SNTG2: variants seen among roughly 807,000 people sequenced by gnomAD.
The protein encoded by SNTG2 is syntrophin gamma 2.
SNTG2 carries 74 observed loss-of-function variants against 70.9 expected under a neutral mutation model. That is an observed-to-expected ratio of 1.04 (90% confidence interval 0.86 to 1.27). SNTG2 has a LOEUF of 1.27. Ranked by LOEUF, SNTG2 falls within the 50% of genes most tolerant of loss-of-function variation. The pLI is 0.00. For missense variants in SNTG2, 717 were observed against 690.7 expected, an observed-to-expected ratio of 1.04 and a Z score of -0.43; for synonymous variants, 278 against 273.8, an observed-to-expected ratio of 1.02 and a Z score of -0.15.
chr2:1,010,735 T>G (rs1659707042), intron 1 of SNTG2, among the ~76,000 whole-genome samples: 1 of 152,180 alleles, frequency 6.6e-6, no homozygotes, highest in African/African-American at 2.4e-5. Flanking sequence ...TCTTCACCTT[T>G]GTCTCTGCTG....
chr2:1,241,324 G>A (rs368469141), intron 11 of SNTG2, among the ~76,000 whole-genome samples: 6 of 152,304 alleles, frequency 3.9e-5, no homozygotes, highest in South Asian at 4.1e-4. Context: ...AGTGATGTCC[G>A]CAAGTGGAGA....
At chr2:1,071,597 C>CT (rs1207898922) in intron 1 of SNTG2, among the ~76,000 whole-genome samples, 1 of 149,938 alleles carries the variant, frequency 6.7e-6, no homozygotes, top group Non-Finnish European at 1.5e-5. Flanking sequence ...CACATGTATA[C>CT]ATATGTAACC....
At chr2:1,060,390 A>AG (rs1662733727) in intron 1 of SNTG2, among the ~76,000 whole-genome samples, 1 of 152,020 alleles carries the variant, frequency 6.6e-6, no homozygotes, top group Non-Finnish European at 1.5e-5. Context: ...GGAGAGAGAG[A>AG]AGTGCATAGA....
At chr2:1,218,026 C>T (rs1674513586) in intron 9 of SNTG2, among the ~76,000 whole-genome samples, 1 of 152,008 alleles carries the variant, frequency 6.6e-6, no homozygotes. Flanking sequence ...TGGCAGAATT[C>T]AGTCCCTTGA....
intron 14 of SNTG2, among the ~76,000 whole-genome samples, chr2:1,298,662 C>T (rs1405942754): frequency 6.6e-6 from 1 of 152,136 alleles, no homozygotes; most frequent in East Asian, 1.9e-4. Flanking sequence ...TTTTTACCAT[C>T]CTGCGCCACT....
intron 14 of SNTG2, among the ~76,000 whole-genome samples, chr2:1,306,510 G>A (rs1680672878): frequency 1.3e-5 from 2 of 152,208 alleles, no homozygotes; most frequent in Admixed American, 6.5e-5. Context: ...AGAGCCTCCC[G>A]AGCTATGCAG....
chr2:1,267,300 A>C, intron 13 of SNTG2, 65 bp from the exon 14 acceptor site: 31 of 1,398,214 alleles, frequency 2.2e-5, no homozygotes, highest in Middle Eastern at 2.1e-4. Context: ...TCCCCACACC[A>C]GGGCCCTCAG....
At chr2:1,337,613 CG>C (rs1378977459) in intron 16 of SNTG2, among the ~76,000 whole-genome samples, 2 of 152,030 alleles carry the variant, frequency 1.3e-5, no homozygotes, top group African/African-American at 4.8e-5. Context: ...GTGTGATTTG[CG>C]GATGTCTTCT....
At chr2:1,122,276 C>A (rs1241641945) in intron 4 of SNTG2, among the ~76,000 whole-genome samples, 1 of 152,124 alleles carries the variant, frequency 6.6e-6, no homozygotes, top group African/African-American at 2.4e-5. Flanking sequence ...ATCACCGTGA[C>A]ACCTAAGCTG....
At chr2:1,141,400 C>T (rs1274915942) in intron 6 of SNTG2, among the ~76,000 whole-genome samples, 1 of 152,174 alleles carries the variant, frequency 6.6e-6, no homozygotes, top group African/African-American at 2.4e-5. Context: ...CAGCTAGAAA[C>T]TGCAGGAGAA....
chr2:1,243,275 C>T (rs987280447), intron 11 of SNTG2, among the ~76,000 whole-genome samples: 9 of 152,156 alleles, frequency 5.9e-5, no homozygotes, highest in Non-Finnish European at 1.2e-4. Flanking sequence ...AGAAGAAGAG[C>T]CCAACACTGT....
intron 1 of SNTG2, among the ~76,000 whole-genome samples, chr2:1,033,459 T>G (rs931494492): frequency 3.9e-5 from 6 of 152,236 alleles, no homozygotes; most frequent in Admixed American, 6.5e-5. Context: ...TGTGGCACAG[T>G]TACTACAGCT....
chr2:1,096,531 T>G (rs1665402574), intron 2 of SNTG2, among the ~76,000 whole-genome samples: 1 of 152,110 alleles, frequency 6.6e-6, no homozygotes. Flanking sequence ...CCTCTGCTTC[T>G]GCGTTCAACA....
Position 963,331 on chromosome 2 carries a change from A to G in SNTG2, c.72+12263A>G, listed in dbSNP as rs565747822. 1.2e-3 allele frequency among the ~76,000 whole-genome samples: 176 copies of G among 152,084 alleles called. 2 individuals carry two copies. The highest frequency in any genetic ancestry group is 4.2e-3 in the African/African-American group (172 of 41,334). On this transcript the variant is annotated intron_variant, in intron 1 of 16. Coordinates refer to ENST00000308624, the MANE Select transcript of SNTG2 (RefSeq NM_018968.4). ...GACAGAAAAAATGTGCTTCAAACAG[A>G]TAAGAAAGGCAGCATGCTCAAAAAA...
intron 14 of SNTG2, among the ~76,000 whole-genome samples, chr2:1,308,077 T>C (rs1466651641): frequency 6.6e-6 from 1 of 152,234 alleles, no homozygotes; most frequent in African/African-American, 2.4e-5. Context: ...CGCTTCCAGC[T>C]TCTGCCGGAA....
chr2:1,008,718 A>G (rs1166519421), intron 1 of SNTG2, among the ~76,000 whole-genome samples: 1 of 152,230 alleles, frequency 6.6e-6, no homozygotes, highest in East Asian at 1.9e-4. Context: ...ACAGTAATGT[A>G]AAAGGGCATC....
At chr2:1,016,774 T>C (rs952302939) in intron 1 of SNTG2, among the ~76,000 whole-genome samples, 1 of 152,250 alleles carries the variant, frequency 6.6e-6, no homozygotes, top group Non-Finnish European at 1.5e-5. Context: ...GTGACACATA[T>C]TCACTTTGGG....
intron 9 of SNTG2, among the ~76,000 whole-genome samples, chr2:1,229,358 C>G (rs953557648): frequency 1.3e-5 from 2 of 152,174 alleles, no homozygotes; most frequent in African/African-American, 2.4e-5. Context: ...ACTAGAGTAG[C>G]TAGATACAGA....
At chr2:1,262,729 C>G (rs900933224) in intron 13 of SNTG2, 1 of 152,006 alleles carries the variant, frequency 6.6e-6, no homozygotes, top group South Asian at 2.1e-4. Flanking sequence ...TCCGTCCAGA[C>G]GAGGCAACCG....
Sources: allele counts gnomAD v4.1 joint callset (sites outside exome capture counted in the v4.1 genomes callset), GRCh38; gene constraint gnomAD v4.1.1; transcripts MANE v1.5; gene names NCBI Gene and HGNC (gene_info 2026-07-23, HGNC 2026-07-21).